The following DLGAP1 variants were observed in gnomAD, a reference collection of about 807,000 sequenced individuals.
The protein encoded by DLGAP1 is disks large-associated protein 1.
DLGAP1 carries 11 observed loss-of-function variants against 90.8 expected under a neutral mutation model. The ratio of observed to expected loss-of-function variants is 0.12; its 90% CI spans 0.08 to 0.20. The LOEUF is 0.20. Among genes scored for constraint, DLGAP1 ranks in the 10% least tolerant of loss-of-function variants. The pLI, the probability that DLGAP1 is intolerant of heterozygous loss-of-function variation, is 1.00. For missense variants in DLGAP1, 1,050 were observed against 1,333.8 expected, an observed-to-expected ratio of 0.79 and a Z score of 3.31; for synonymous variants, 558 against 540.7, an observed-to-expected ratio of 1.03 and a Z score of -0.44.
At chr18:4,152,908 C>T (rs979390255) in intron 1 of DLGAP1, among the ~76,000 whole-genome samples, 4 of 152,104 alleles carry the variant, frequency 2.6e-5, no homozygotes, top group African/African-American at 9.7e-5. Context: ...GACTAAGTAA[C>T]TCAGGAGATA....
At chr18:3,675,915 C>T (rs916564998) in intron 7 of DLGAP1, among the ~76,000 whole-genome samples, 3 of 152,226 alleles carry the variant, frequency 2.0e-5, no homozygotes, top group South Asian at 4.1e-4. Flanking sequence ...AGTCAGCTCT[C>T]ATGAGCCAAT....
intron 3 of DLGAP1, among the ~76,000 whole-genome samples, chr18:3,927,809 C>T (rs2072425547): frequency 6.7e-6 from 1 of 148,454 alleles, no homozygotes; most frequent in Admixed American, 6.7e-5. Context: ...CATTAAGCAG[C>T]ATGAATTTTT....
At chr18:3,701,747 A>G (rs2061286373) in intron 7 of DLGAP1, among the ~76,000 whole-genome samples, 1 of 152,118 alleles carries the variant, frequency 6.6e-6, no homozygotes, top group South Asian at 2.1e-4. Flanking sequence ...CTGGGTTGGT[A>G]TATTTTGGGT....
intron 1 of DLGAP1, among the ~76,000 whole-genome samples, chr18:4,170,607 C>T (rs2077006976): frequency 6.6e-6 from 1 of 152,056 alleles, no homozygotes. Flanking sequence ...TGAATGACCC[C>T]AGGACATCTG....
At chr18:3,870,260 T>C (rs2070663397) in intron 4 of DLGAP1, among the ~76,000 whole-genome samples, 1 of 152,204 alleles carries the variant, frequency 6.6e-6, no homozygotes, top group African/African-American at 2.4e-5. Flanking sequence ...AAGGAAGCTT[T>C]ACCTCTAAAT....
rs1283867278 is a variant in DLGAP1, at chr18:3,497,893, TTC to T, written c.*1290_*1291del. ...TGTTGACCCTGGCAGGTCGAGTTTCTTCTCTCACTACCTGGAACCTCAAGATG... is the reference window on the plus strand; with the variant it reads ...TGTTGACCCTGGCAGGTCGAGTTTCTTCTCACTACCTGGAACCTCAAGATG... On this transcript the variant is annotated 3_prime_UTR_variant, in exon 13 of 13. Transcript: ENST00000315677. 6.6e-6 allele frequency: 1 copy of T among 152,236 alleles called. No individual in the cohort carries two copies. Among genetic ancestry groups the T allele is most frequent in the Admixed American group, 6.5e-5 (1 of 15,282 alleles). The allele number at this position is 152,236 out of a possible 1,614,324, so 9.4% of individuals were successfully genotyped here.
intron 2 of DLGAP1, among the ~76,000 whole-genome samples, chr18:4,150,686 G>A (rs113836757): frequency 6.8e-4 from 104 of 152,246 alleles, no homozygotes; most frequent in African/African-American, 2.3e-3. Context: ...TGCCCACCTC[G>A]GTCTCCCAAA....
Position 4,374,022 on chromosome 18 carries a change from T to C in DLGAP1, c.-267+80984A>G, listed in dbSNP as rs77891563. On this transcript the variant is annotated intron_variant, in intron 1 of 12. Coordinates refer to ENST00000315677, the MANE Select transcript of DLGAP1 (RefSeq NM_004746.4). ...GAGTATAAAGACAATAAAAGTAATA[T>C]TTCACTCTATAGATGTAAAGGGACA... Among the ~76,000 whole-genome samples the C allele has an allele frequency of 6.3e-3, 952 of 152,226 alleles. 8 individuals are homozygous for C. Among genetic ancestry groups the C allele is most frequent in the African/African-American group, 0.022 (901 of 41,540 alleles).
chr18:3,889,217 T>A (rs534096502), intron 3 of DLGAP1, among the ~76,000 whole-genome samples: 8 of 152,262 alleles, frequency 5.3e-5, no homozygotes, highest in Admixed American at 5.2e-4. Flanking sequence ...ACAGCCGTGA[T>A]GGAAGATGGA....
intron 8 of DLGAP1, chr18:3,580,262 G>A (rs192316295): frequency 2.2e-5 from 35 of 1,603,594 alleles, no homozygotes; most frequent in Non-Finnish European, 2.7e-5. Flanking sequence ...CAGTGGAGTG[G>A]GGGACGCTCC....
chr18:4,301,117 C>A (rs1598850970), intron 1 of DLGAP1, among the ~76,000 whole-genome samples: 1 of 152,076 alleles, frequency 6.6e-6, no homozygotes. Context: ...AAATTCTTAT[C>A]ATTTTTCATG....
chr18:4,451,631 A>G (rs773951814), intron 1 of DLGAP1, among the ~76,000 whole-genome samples: 3 of 152,192 alleles, frequency 2.0e-5, no homozygotes, highest in Non-Finnish European at 2.9e-5. Context: ...ATCGAGCTAC[A>G]AATTCTCATG....
intron 10 of DLGAP1, among the ~76,000 whole-genome samples, chr18:3,525,634 C>T (rs533057212): frequency 2.0e-4 from 31 of 152,280 alleles, no homozygotes; most frequent in Admixed American, 1.6e-3. Context: ...CTCCTGACCT[C>T]GTGATCTGCC....
chr18:3,904,014 T>C (rs2071842794), intron 3 of DLGAP1, among the ~76,000 whole-genome samples: 1 of 152,222 alleles, frequency 6.6e-6, no homozygotes, highest in South Asian at 2.1e-4. Context: ...ACATCATTAA[T>C]CAAGCCTAAA....
chr18:3,760,757 A>G (rs746575920), intron 5 of DLGAP1, among the ~76,000 whole-genome samples: 4 of 152,208 alleles, frequency 2.6e-5, no homozygotes, highest in Non-Finnish European at 5.9e-5. Context: ...ACCTTCACTT[A>G]ATTTCCATTT....
intron 8 of DLGAP1, among the ~76,000 whole-genome samples, chr18:3,574,853 C>T (rs995032718): frequency 3.3e-5 from 5 of 150,256 alleles, no homozygotes; most frequent in Admixed American, 2.7e-4. Flanking sequence ...CTGGCTCTGT[C>T]GCCCAGGCTG....
intron 5 of DLGAP1, among the ~76,000 whole-genome samples, chr18:3,772,043 A>AT (rs766856432): frequency 7.2e-5 from 11 of 152,342 alleles, no homozygotes; most frequent in Middle Eastern, 6.8e-3. Context: ...ATATTTGACT[A>AT]TTTTATAACA....
chr18:4,368,636 TACA>T (rs2081835199), intron 1 of DLGAP1, among the ~76,000 whole-genome samples: 20 of 134,930 alleles, frequency 1.5e-4, no homozygotes, highest in Admixed American at 6.8e-4. Flanking sequence ...CTCTCTCTCA[TACA>T]CACACACACA....
intron 10 of DLGAP1, among the ~76,000 whole-genome samples, chr18:3,510,715 T>A: frequency 6.6e-6 from 1 of 152,176 alleles, no homozygotes; most frequent in Non-Finnish European, 1.5e-5. Context: ...GTTCCATAGC[T>A]CCTGGGAGCT....
Sources: gnomAD v4.1 joint callset for allele counts (sites outside exome capture counted in the v4.1 genomes callset) on GRCh38, gnomAD v4.1.1 for gene constraint, MANE v1.5 for transcripts, NCBI Gene and HGNC (gene_info 2026-07-23, HGNC 2026-07-21) for gene names.